PTPRS: variants seen among roughly 807,000 people sequenced by gnomAD.
PTPRS encodes the protein protein tyrosine phosphatase receptor type S, also known as receptor-type tyrosine-protein phosphatase S.
A neutral mutation model predicts 215.3 loss-of-function variants in PTPRS; 63 were observed. The ratio of observed to expected loss-of-function variants is 0.29; its 90% CI spans 0.24 to 0.36. The LOEUF (loss-of-function observed/expected upper bound fraction) is 0.36. Among genes scored for constraint, PTPRS ranks in the 10% least tolerant of loss-of-function variants. The pLI is 1.00. For synonymous variants in PTPRS, 1,404 were observed against 1,191.4 expected, an observed-to-expected ratio of 1.18 and a Z score of -3.68; for missense variants, 2,258 against 2,825.8, an observed-to-expected ratio of 0.80 and a Z score of 4.56.
intron 9 of PTPRS, among the ~76,000 whole-genome samples, chr19:5,253,145 A>G (rs961168722): frequency 6.6e-6 from 1 of 152,144 alleles, no homozygotes; most frequent in African/African-American, 2.4e-5. Flanking sequence ...CACCTTGTCA[A>G]AAGTCGGAGG....
intron 9 of PTPRS, among the ~76,000 whole-genome samples, chr19:5,253,456 T>G (rs1034360821): frequency 6.6e-6 from 1 of 152,220 alleles, no homozygotes; most frequent in Admixed American, 6.5e-5. Context: ...AGGTAGCCCA[T>G]CTCTTCTGGT....
At chr19:5,265,668 G>T (rs1365732367) in intron 4 of PTPRS, among the ~76,000 whole-genome samples, 1 of 151,970 alleles carries the variant, frequency 6.6e-6, no homozygotes, top group Non-Finnish European at 1.5e-5. Context: ...CAAGGGGGAG[G>T]CTGGTGTCAG....
Position 5,206,519 on chromosome 19 carries a change from T to C in PTPRS, c.*255A>G. ...CCCACCCCCCACCCCGGAATCTGGT[T>C]TTGGAATTGGAAGGAAAGGAGGAAT... is the stretch of plus-strand genomic sequence containing the variant. On this transcript the variant is annotated 3_prime_UTR_variant, in exon 38 of 38. Transcript: ENST00000262963. The C allele has an allele frequency of 4.0e-6, 1 of 250,476 alleles. No individual in the cohort carries two copies. Among genetic ancestry groups the C allele is most frequent in the South Asian group, 4.1e-5 (1 of 24,228 alleles). The allele number at this position is 250,476 out of a possible 1,614,324, so 15.5% of individuals were successfully genotyped here. A position where few individuals can be genotyped will look rare whatever the true frequency, so the allele number is the denominator to read the frequency against.
Position 5,316,381 on chromosome 19 carries a change from G to GT in PTPRS, c.-95+24282dup, listed in dbSNP as rs111979011. Among the ~76,000 whole-genome samples, 192 of 151,444 alleles carry GT rather than the reference G, an allele frequency of 1.3e-3. 1 individual carries two copies. The highest frequency in any genetic ancestry group is 4.3e-3 in the African/African-American group (178 of 41,292). On this transcript the variant is annotated intron_variant, in intron 1 of 37. Coordinates refer to ENST00000262963, the MANE Select transcript of PTPRS (RefSeq NM_002850.4). ...CTCTTGCCCCAGATTTGCTGATTGG[G>GT]TTTTTTTTTCTTTCTTTCTTTTTTC...
At chr19:5,245,656 A>G (rs1426837639) in intron 10 of PTPRS, 120 bp downstream of exon 10, 17 of 1,395,766 alleles carry the variant, frequency 1.2e-5, no homozygotes, top group Admixed American at 2.8e-5. Flanking sequence ...CCTAGCCATG[A>G]ATGACTGAAG....
At chr19:5,240,376 C>T (rs550701812) in intron 11 of PTPRS, 44 bp from the exon 12 acceptor site, 4 of 1,529,760 alleles carry the variant, frequency 2.6e-6, no homozygotes, top group South Asian at 1.3e-5. Flanking sequence ...GGAGCGTCCA[C>T]CCCACAAAGG....
intron 1 of PTPRS, among the ~76,000 whole-genome samples, chr19:5,321,613 G>C (rs2050026267): frequency 6.6e-6 from 1 of 152,242 alleles, no homozygotes; most frequent in Non-Finnish European, 1.5e-5. Flanking sequence ...GCCCAGAGTG[G>C]AGAAGCCTCA....
chr19:5,269,394 G>A (rs146935597), intron 4 of PTPRS, among the ~76,000 whole-genome samples: 418 of 152,198 alleles, frequency 2.7e-3, no homozygotes, highest in African/African-American at 9.2e-3. Flanking sequence ...AACAGTGCAG[G>A]AGGCGTGTGT....
chr19:5,278,514 G>A lies in PTPRS; in HGVS notation c.92-4170C>T, dbSNP rs1435926597. ...TATTTCTGCGGCAGGGTCTCACTCC[G>A]TCACCCAGGCTCAAGTGCAGGGCGC... On this transcript the variant is annotated intron_variant, in intron 2 of 37. Coordinates refer to ENST00000262963, the MANE Select transcript of PTPRS (RefSeq NM_002850.4). 5.3e-5 allele frequency among the ~76,000 whole-genome samples: 8 copies of A among 151,980 alleles called. No individual in the cohort carries two copies. The East Asian group carries it at 7.7e-4, about 15-fold the overall frequency.
intron 1 of PTPRS, among the ~76,000 whole-genome samples, chr19:5,333,995 G>C: frequency 6.9e-6 from 1 of 144,704 alleles, no homozygotes; most frequent in African/African-American, 2.6e-5. Context: ...TGATCACTCG[G>C]GCCCACCAGG....
chr19:5,340,497 G>C lies in PTPRS; in HGVS notation c.-95+167C>G, dbSNP rs1388512183. Reference sequence around the variant, plus strand: ...CGCAGCTACCGGGGCGCAGCGGCTGGGCGTGCAACTGGCTGCAGCCGAGCA... The same window carrying C: ...CGCAGCTACCGGGGCGCAGCGGCTGCGCGTGCAACTGGCTGCAGCCGAGCA... On this transcript the variant is annotated intron_variant, in intron 1 of 37. Coordinates refer to ENST00000262963, the MANE Select transcript of PTPRS (RefSeq NM_002850.4). Among the ~76,000 whole-genome samples, 7 of 151,504 alleles carry C rather than the reference G, an allele frequency of 4.6e-5. No homozygotes were observed. In the East Asian group the frequency reaches 1.4e-3, roughly 30 times the overall value.
At position 5,293,750 on chromosome 19, in the gene PTPRS, G is replaced by A. The variant is rs989375788; in HGVS notation, c.-94-7516C>T. Among the ~76,000 whole-genome samples, 6 of 152,298 alleles carry A rather than the reference G, an allele frequency of 3.9e-5. No individual in the cohort carries two copies. The highest frequency in any genetic ancestry group is 2.1e-4 in the South Asian group (1 of 4,834). ...TCCCCCTCTTAGACCAGAGGGTAGG[G>A]GAGAGGTGCGGGCGCAGAGGCTTCC... is the stretch of plus-strand genomic sequence containing the variant. On this transcript the variant is annotated intron_variant, in intron 1 of 37. Transcript: ENST00000262963. The surrounding 1 kb of genome is among the most constrained non-coding windows in gnomAD (Gnocchi z 8.4).
intron 19 of PTPRS, 111 bp downstream of exon 19, chr19:5,222,008 TCTGA>T (rs1000142032): frequency 1.8e-5 from 15 of 822,520 alleles, no homozygotes; most frequent in African/African-American, 1.0e-4. Context: ...GAGACCCATC[TCTGA>T]CTGAGCCCTG....
At chr19:5,226,782 A>G (rs76276867) in intron 16 of PTPRS, among the ~76,000 whole-genome samples, 6,133 of 152,184 alleles carry the variant, frequency 0.04, 410 homozygotes, top group African/African-American at 0.14. Flanking sequence ...ACTTACAATC[A>G]ACTAAGTTAT....
chr19:5,235,345 A>C (rs771001014), intron 13 of PTPRS, among the ~76,000 whole-genome samples: 7 of 152,140 alleles, frequency 4.6e-5, no homozygotes, highest in Non-Finnish European at 8.8e-5. Context: ...CATTGCACTC[A>C]ATACCTTATA....
chr19:5,336,238 G>A (rs1194586846), intron 1 of PTPRS, among the ~76,000 whole-genome samples: 1 of 116,468 alleles, frequency 8.6e-6, no homozygotes, highest in Non-Finnish European at 1.7e-5. Context: ...TTTTGGTTGA[G>A]AGTCTTTTCT....
chr19:5,323,485 G>A (rs1021759263), intron 1 of PTPRS, among the ~76,000 whole-genome samples: 3 of 152,274 alleles, frequency 2.0e-5, no homozygotes, highest in East Asian at 1.9e-4. Flanking sequence ...GGTGATCGGG[G>A]AGGCCTCATT....
rs1489586199 is a variant in PTPRS, at chr19:5,231,527, C to T, written c.1938G>A (p.Thr646=). The change falls in exon 14 of 38, where the codon ACG becomes ACA. Residue 646 remains threonine, a synonymous_variant. Coordinates refer to ENST00000262963, the MANE Select transcript of PTPRS (RefSeq NM_002850.4). ...LVSWRPPPPE[T]HNGALVGYSV... is the part of the protein sequence containing the mutation. ...TGTAGCCCACCAGGGCCCCGTTGTG[C>T]GTTTCCGGCGGCGGCGGGCGCCAAC... 2 of 1,611,484 alleles carry T rather than the reference C, an allele frequency of 1.2e-6. No individual in the cohort carries two copies. Among genetic ancestry groups the T allele is most frequent in the South Asian group, 1.1e-5 (1 of 90,998 alleles).
intron 1 of PTPRS, among the ~76,000 whole-genome samples, chr19:5,305,604 C>A (rs1338851113): frequency 6.6e-6 from 1 of 151,120 alleles, no homozygotes; most frequent in African/African-American, 2.4e-5. Flanking sequence ...TGGCTCATGC[C>A]TCTAATCCCG....
Sources: gnomAD v4.1 joint callset for allele counts (sites outside exome capture counted in the v4.1 genomes callset) on GRCh38, gnomAD v4.1.1 for gene constraint, Gnocchi (gnomAD v3.1) non-coding constraint, MANE v1.5 for transcripts, NCBI Gene and HGNC (gene_info 2026-07-23, HGNC 2026-07-21) for gene names.